Variants in RNF175 observed in about 807,000 individuals in gnomAD.
RNF175 encodes ring finger protein 175.
RNF175 carries 38 observed loss-of-function variants against 50.0 expected under a neutral mutation model. The observed-to-expected ratio is 0.76, with a 90% CI of 0.59 to 1.00. RNF175 has a LOEUF of 1.00. RNF175 is among the 50% of genes least tolerant of loss of function. RNF175 has a pLI of 0.00. For synonymous variants in RNF175, 155 were observed against 146.1 expected, an observed-to-expected ratio of 1.06 and a Z score of -0.44; for missense variants, 388 against 409.6, an observed-to-expected ratio of 0.95 and a Z score of 0.46.
chr4:153,715,552 G>C lies in RNF175; in HGVS notation c.741C>G (p.Thr247=), dbSNP rs1205374829. 6.2e-7 allele frequency: 1 copy of C among 1,606,382 alleles called. No individual in the cohort carries two copies. The highest frequency in any genetic ancestry group is 8.5e-7 in the Non-Finnish European group (1 of 1,176,060). Residue 247 remains threonine (T), a synonymous_variant, in exon 7 of 9, where the codon ACC becomes ACG. Coordinates refer to ENST00000347063, the MANE Select transcript of RNF175 (RefSeq NM_173662.4). ...ACACATGATTACAGGAAAGCTGGTAGGTGTTTTCAATGAGCCCTTCTTCAT... is the reference window on the plus strand; with the variant it reads ...ACACATGATTACAGGAAAGCTGGTACGTGTTTTCAATGAGCCCTTCTTCAT... ...ELDEEGLIEN[T]YQLSCNHVFH... is the part of the protein sequence containing the mutation.
chr4:153,738,146 C>G (rs562819682), intron 3 of RNF175, among the ~76,000 whole-genome samples: 1 of 152,090 alleles, frequency 6.6e-6, no homozygotes, highest in Non-Finnish European at 1.5e-5. Context: ...ACCTCCTGGG[C>G]TCAAGCCATT....
intron 3 of RNF175, among the ~76,000 whole-genome samples, chr4:153,741,857 G>T (rs1468376592): frequency 6.6e-6 from 1 of 151,956 alleles, no homozygotes; most frequent in Admixed American, 6.6e-5. Flanking sequence ...GCCACATTCG[G>T]TTGGTGCAAA....
intron 4 of RNF175, among the ~76,000 whole-genome samples, chr4:153,726,379 AC>A (rs888640517): frequency 7.2e-5 from 11 of 152,214 alleles, no homozygotes; most frequent in African/African-American, 2.7e-4. Context: ...TGCTGGGATT[AC>A]AGGCGTGAGC....
At chr4:153,759,335 C>T (rs1740711132) in intron 1 of RNF175, among the ~76,000 whole-genome samples, 2 of 152,164 alleles carry the variant, frequency 1.3e-5, no homozygotes, top group Admixed American at 1.3e-4. Flanking sequence ...TCTGATGACA[C>T]TCGAGTTTGA....
chr4:153,729,641 A>G, intron 3 of RNF175: 4 of 981,374 alleles, frequency 4.1e-6, no homozygotes, highest in Non-Finnish European at 4.8e-6. Context: ...TTCTTCTTTC[A>G]ATGTCAGATA....
At chr4:153,748,416 GT>G (rs1239589811) in intron 3 of RNF175, 24 of 422,018 alleles carry the variant, frequency 5.7e-5, no homozygotes, top group East Asian at 3.5e-4. Flanking sequence ...CCAGGTGCCA[GT>G]TGCAACTCCC....
chr4:153,722,277 G>T (rs527793441), intron 5 of RNF175, among the ~76,000 whole-genome samples: 3 of 152,262 alleles, frequency 2.0e-5, no homozygotes, highest in African/African-American at 7.2e-5. Flanking sequence ...CCTTAAGTGG[G>T]AGCACAGCTG....
chr4:153,720,452 G>A, intron 5 of RNF175, 148 bp from the exon 6 acceptor site: 1 of 636,392 alleles, frequency 1.6e-6, no homozygotes, highest in African/African-American at 1.8e-5. Context: ...TTTTTTAAAT[G>A]AAATAATTTA....
chr4:153,743,930 A>C (rs959785876), intron 3 of RNF175, among the ~76,000 whole-genome samples: 1 of 152,202 alleles, frequency 6.6e-6, no homozygotes, highest in African/African-American at 2.4e-5. Flanking sequence ...ATCTAAGGTC[A>C]GACCCTTCAA....
chr4:153,753,898 T>C (rs1579107199), intron 1 of RNF175, among the ~76,000 whole-genome samples: 2 of 149,666 alleles, frequency 1.3e-5, no homozygotes, highest in Admixed American at 6.6e-5. Context: ...AGGCTGGGCG[T>C]GGTGGCTCAC....
intron 3 of RNF175, among the ~76,000 whole-genome samples, chr4:153,731,998 G>A (rs377475262): frequency 7.2e-5 from 11 of 152,268 alleles, no homozygotes; most frequent in East Asian, 1.9e-4. Context: ...TTGGGAGGCC[G>A]AGATGGGTGG....
Position 153,757,485 on chromosome 4 carries a change from A to G in RNF175, c.66+2312T>C, listed in dbSNP as rs962358507. Among the ~76,000 whole-genome samples, 6 of 152,204 alleles carry G rather than the reference A, an allele frequency of 3.9e-5. No homozygotes were observed. The East Asian group carries it at 1.2e-3, about 29-fold the overall frequency. On this transcript the variant is annotated intron_variant, in intron 1 of 8. Coordinates refer to ENST00000347063, the MANE Select transcript of RNF175 (RefSeq NM_173662.4). The stretch of plus-strand genomic sequence containing the variant: ...CTAAACCAAGTAGCAAAGCCAGAAC[A>G]ATGAACTCAGAAACTAGTGATGACC...
chr4:153,759,741 G>A lies in RNF175; in HGVS notation c.66+56C>T, dbSNP rs1049378487. 6.6e-6 allele frequency: 8 copies of A among 1,212,556 alleles called. No individual in the cohort carries two copies. In the African/African-American group the frequency reaches 8.0e-5, roughly 12 times the overall value. The allele number at this position is 1,212,556 out of a possible 1,614,324, so 75.1% of individuals were successfully genotyped here. A position where few individuals can be genotyped will look rare whatever the true frequency, so the allele number is the denominator to read the frequency against. On this transcript the variant is annotated intron_variant, in intron 1 of 8. Coordinates refer to ENST00000347063, the MANE Select transcript of RNF175 (RefSeq NM_173662.4). ...TCTGTGCAGCCTGCCCGGCACCAGC[G>A]TGAGCCCCGGGACCCCGGCCTGGCG...
chr4:153,751,062 T>C (rs1740267815), intron 2 of RNF175, among the ~76,000 whole-genome samples: 1 of 152,258 alleles, frequency 6.6e-6, no homozygotes, highest in Admixed American at 6.5e-5. Context: ...AAGGAGGAGC[T>C]TTTCATTCTT....
chr4:153,716,416 G>A (rs1238236012), intron 6 of RNF175, among the ~76,000 whole-genome samples: 1 of 152,134 alleles, frequency 6.6e-6, no homozygotes, highest in Admixed American at 6.5e-5. Flanking sequence ...AAATCCCCAT[G>A]TTTTTATTGG....
At chr4:153,728,115 C>G in intron 4 of RNF175, 92 bp downstream of exon 4, 1 of 875,956 alleles carries the variant, frequency 1.1e-6, no homozygotes, top group Non-Finnish European at 1.6e-6. Context: ...TGTAACCCCC[C>G]CACTCCCCAA....
chr4:153,716,586 A>G (rs1296163825), intron 6 of RNF175, among the ~76,000 whole-genome samples: 3 of 152,164 alleles, frequency 2.0e-5, no homozygotes, highest in Non-Finnish European at 4.4e-5. Context: ...TTATTTTATA[A>G]TAGTTTTAGA....
intron 1 of RNF175, among the ~76,000 whole-genome samples, chr4:153,755,665 C>G (rs1740526285): frequency 2.4e-5 from 3 of 126,550 alleles, no homozygotes; most frequent in Admixed American, 1.5e-4. Flanking sequence ...ATCCCCCACC[C>G]CCGCAAAAAA....
intron 3 of RNF175, among the ~76,000 whole-genome samples, chr4:153,729,167 A>C (rs766822815): frequency 6.6e-6 from 1 of 152,244 alleles, no homozygotes; most frequent in Non-Finnish European, 1.5e-5. Flanking sequence ...TTTAATCAAT[A>C]GCAATATCCT....
Sources: gnomAD v4.1 joint callset for allele counts (sites outside exome capture counted in the v4.1 genomes callset) on GRCh38, gnomAD v4.1.1 for gene constraint, MANE v1.5 for transcripts, NCBI Gene and HGNC (gene_info 2026-07-23, HGNC 2026-07-21) for gene names.